Variants in RHD observed in about 807,000 individuals in gnomAD.
The protein encoded by RHD is blood group Rh(D) polypeptide.
RHD carries 16 observed loss-of-function variants against 45.5 expected under a neutral mutation model. That is an observed-to-expected ratio of 0.35 (90% CI 0.24 to 0.53). RHD has a LOEUF of 0.53. Ranked by LOEUF, RHD falls within the 20% of genes least tolerant of loss-of-function variation. The probability of loss-of-function intolerance (pLI) is 0.92; values close to 1 mark genes in which losing one functional copy is unlikely to be tolerated. For missense variants in RHD, 306 were observed against 532.0 expected, an observed-to-expected ratio of 0.58 and a Z score of 4.18; for synonymous variants, 131 against 217.5, an observed-to-expected ratio of 0.60 and a Z score of 3.50.
intron 1 of RHD, among the ~76,000 whole-genome samples, chr1:25,280,711 A>G (rs1198503303): frequency 1.6e-5 from 2 of 125,958 alleles, no homozygotes; most frequent in African/African-American, 5.4e-5. Flanking sequence ...TTCTAGGCAC[A>G]AGCCATCCTC....
intron 7 of RHD, among the ~76,000 whole-genome samples, chr1:25,313,287 T>C (rs1257451714): frequency 2.3e-5 from 3 of 132,092 alleles, no homozygotes; most frequent in East Asian, 2.0e-4. Context: ...CAGCAGCATG[T>C]TCTTGGACTT....
At chr1:25,316,622 A>C (rs1371213282) in intron 7 of RHD, among the ~76,000 whole-genome samples, 1 of 116,650 alleles carries the variant, frequency 8.6e-6, no homozygotes, top group African/African-American at 2.9e-5. Context: ...AAAACAGAAA[A>C]AAAAAAAAAA....
rs184989929 is a variant in RHD, at chr1:25,302,602, G to A, written c.802-720G>A. On this transcript the variant is annotated intron_variant, in intron 5 of 9. Transcript: ENST00000328664. ...CAGATAAGAGCAAGGCAAGGCTCCG[G>A]TTCTGGAGCAGTGAAGGACATAGCA... Among the ~76,000 whole-genome samples the A allele has an allele frequency of 8.6e-3, 1,114 of 130,016 alleles. 174 individuals are homozygous for A. Among genetic ancestry groups the A allele is most frequent in the African/African-American group, 0.027 (1,015 of 37,686 alleles). 85.3% of individuals were successfully genotyped at this position (130,016 alleles called of 152,430 possible). A position where few individuals can be genotyped will look rare whatever the true frequency, so the allele number is the denominator to read the frequency against.
intron 9 of RHD, 120 bp from the exon 10 acceptor site, chr1:25,328,778 A>T: frequency 2.1e-6 from 1 of 483,984 alleles, no homozygotes; most frequent in East Asian, 2.9e-5. Flanking sequence ...CTTCCAATTC[A>T]GATTTTATGA....
At position 25,306,422 on chromosome 1, in the gene RHD, C is replaced by T. The variant is rs2124691111; in HGVS notation, c.940-174C>T. ...ATCCACTAAAGCCAGCTCTTCATTT[C>T]AACAAACTCCCCGATGATGTGAGTG... On this transcript the variant is annotated intron_variant, in intron 6 of 9. Coordinates refer to ENST00000328664, the MANE Select transcript of RHD (RefSeq NM_016124.6). Among the ~76,000 whole-genome samples the T allele has an allele frequency of 1.5e-5, 2 of 131,952 alleles. 1 individual carries two copies. The highest frequency in any genetic ancestry group is 4.6e-4 in the South Asian group (2 of 4,322). 86.6% of individuals were successfully genotyped at this position (131,952 alleles called of 152,430 possible). A position where few individuals can be genotyped will look rare whatever the true frequency, so the allele number is the denominator to read the frequency against.
chr1:25,288,812 G>A (rs1174762635), intron 2 of RHD, among the ~76,000 whole-genome samples: 2 of 127,370 alleles, frequency 1.6e-5, no homozygotes, highest in South Asian at 2.4e-4. Context: ...TACCGCCGCC[G>A]GCACACACGC....
rs181155958 is a variant in RHD, at chr1:25,287,964, C to A, written c.336-2677C>A. Among the ~76,000 whole-genome samples, 7 of 132,682 alleles carry A rather than the reference C, an allele frequency of 5.3e-5. 1 individual carries two copies. Among genetic ancestry groups the A allele is most frequent in the African/African-American group, 1.8e-4 (7 of 38,944 alleles). The allele number at this position is 132,682 out of a possible 152,430, so 87.0% of individuals were successfully genotyped here. A position where few individuals can be genotyped will look rare whatever the true frequency, so the allele number is the denominator to read the frequency against. On this transcript the variant is annotated intron_variant, in intron 2 of 9. Transcript: ENST00000328664. Reference sequence around the variant, plus strand: ...TCTGGAACTCCCGACCTCAAGTGATCCACCTGCCTAGGCCTCCCAAAGTAC... The same window carrying A: ...TCTGGAACTCCCGACCTCAAGTGATACACCTGCCTAGGCCTCCCAAAGTAC...
intron 1 of RHD, among the ~76,000 whole-genome samples, chr1:25,278,218 G>A (rs1210606041): frequency 7.7e-6 from 1 of 129,972 alleles, no homozygotes; most frequent in African/African-American, 2.6e-5. Flanking sequence ...AAGGCTGGCT[G>A]CAGATGTATG....
chr1:25,312,953 A>AAAC (rs1644243317), intron 7 of RHD, among the ~76,000 whole-genome samples: 2 of 110,972 alleles, frequency 1.8e-5, no homozygotes, highest in Admixed American at 9.0e-5. Context: ...AAAAAAAAAA[A>AAAC]AACTTTAGTG....
At chr1:25,302,294 G>C (rs1643448104) in intron 5 of RHD, among the ~76,000 whole-genome samples, 1 of 129,456 alleles carries the variant, frequency 7.7e-6, no homozygotes, top group Non-Finnish European at 1.8e-5. Context: ...TGAGAGGGGA[G>C]ACAAAACAAG....
chr1:25,276,909 A>G lies in RHD; in HGVS notation c.148+4214A>G, dbSNP rs553762972. 3.1e-5 allele frequency among the ~76,000 whole-genome samples: 4 copies of G among 130,090 alleles called. 1 individual carries two copies. The South Asian group carries it at 9.4e-4, about 31-fold the overall frequency. 85.3% of individuals were successfully genotyped at this position (130,090 alleles called of 152,430 possible). On this transcript the variant is annotated intron_variant, in intron 1 of 9. Coordinates refer to ENST00000328664, the MANE Select transcript of RHD (RefSeq NM_016124.6). ...ATGAAACCCCATCTCTACCAAAAAT[A>G]CAAAAAAATTAGCCGGGTGTGGTGG...
rs1195379777 is a variant in RHD at position 25,309,293 on chromosome 1, T to G, written c.1073+2564T>G. 3.8e-5 allele frequency among the ~76,000 whole-genome samples: 5 copies of G among 131,544 alleles called. 1 individual carries two copies. Among genetic ancestry groups the G allele is most frequent in the African/African-American group, 1.3e-4 (5 of 37,962 alleles). 86.3% of individuals were successfully genotyped at this position (131,544 alleles called of 152,430 possible). A position where few individuals can be genotyped will look rare whatever the true frequency, so the allele number is the denominator to read the frequency against. On this transcript the variant is annotated intron_variant, in intron 7 of 9. Coordinates refer to ENST00000328664, the MANE Select transcript of RHD (RefSeq NM_016124.6). ...CTGAATCATGCAGTTGCAGATACTC[T>G]TTTTCAATTCTCAGTCCTTTGATTA... is the stretch of plus-strand genomic sequence containing the variant.
chr1:25,287,042 G>A (rs1355831923), intron 2 of RHD, among the ~76,000 whole-genome samples: 1 of 134,992 alleles, frequency 7.4e-6, no homozygotes, highest in African/African-American at 2.6e-5. Flanking sequence ...ATAGTGAGCC[G>A]AGATCGCACC....
chr1:25,322,366 CAT>C (rs1644758655), intron 9 of RHD, among the ~76,000 whole-genome samples: 1 of 132,876 alleles, frequency 7.5e-6, no homozygotes, highest in African/African-American at 2.6e-5. Context: ...AGAGTGGAGA[CAT>C]GACTTATCAA....
Position 25,283,489 on chromosome 1 carries a change from C to T in RHD, c.149-1084C>T, listed in dbSNP as rs527342796. On this transcript the variant is annotated intron_variant, in intron 1 of 9. Coordinates refer to ENST00000328664, the MANE Select transcript of RHD (RefSeq NM_016124.6). ...GAGGTTGCAGTGAGCCAAGATCTTG[C>T]CACTGTACTCCAGCCTGGGTGACGA... 3.8e-5 allele frequency among the ~76,000 whole-genome samples: 5 copies of T among 129,992 alleles called. No individual in the cohort carries two copies. In the East Asian group the frequency reaches 9.8e-4, roughly 25 times the overall value. The allele number at this position is 129,992 out of a possible 152,430, so 85.3% of individuals were successfully genotyped here.
chr1:25,275,977 T>C (rs1217432532), intron 1 of RHD, among the ~76,000 whole-genome samples: 1 of 132,618 alleles, frequency 7.5e-6, no homozygotes, highest in African/African-American at 2.6e-5. Flanking sequence ...CATTACTTCA[T>C]TTTGTGAAAG....
At chr1:25,318,767 C>G (rs1288452931) in intron 8 of RHD, among the ~76,000 whole-genome samples, 3 of 132,018 alleles carry the variant, frequency 2.3e-5, no homozygotes, top group South Asian at 2.3e-4. Flanking sequence ...CACTTTACTC[C>G]CTCTGAGCCT....
rs1427339649 is a variant in RHD at position 25,274,643 on chromosome 1, G to A, written c.148+1948G>A. On this transcript the variant is annotated intron_variant, in intron 1 of 9. Transcript: ENST00000328664. ...TCATCCAAGTGAGGGCACAGTGGGTGCCATGGCGTGCACACACAATAGAGC... is the reference window on the plus strand; with the variant it reads ...TCATCCAAGTGAGGGCACAGTGGGTACCATGGCGTGCACACACAATAGAGC... Among the ~76,000 whole-genome samples the A allele has an allele frequency of 6.0e-5, 8 of 133,358 alleles. 2 individuals are homozygous for A. The highest frequency in any genetic ancestry group is 1.9e-4 in the East Asian group (1 of 5,142). The allele number at this position is 133,358 out of a possible 152,430, so 87.5% of individuals were successfully genotyped here. A position where few individuals can be genotyped will look rare whatever the true frequency, so the allele number is the denominator to read the frequency against.
chr1:25,316,618 GA>G (rs1171433774), intron 7 of RHD, among the ~76,000 whole-genome samples: 4,866 of 40,488 alleles, frequency 0.12, 355 homozygotes, highest in East Asian at 0.19. Flanking sequence ...AACAAAAACA[GA>G]AAAAAAAAAA....
Sources: allele counts gnomAD v4.1 joint callset (sites outside exome capture counted in the v4.1 genomes callset), GRCh38; gene constraint gnomAD v4.1.1; transcripts MANE v1.5; gene names NCBI Gene and HGNC (gene_info 2026-07-23, HGNC 2026-07-21).